The following C3orf70 variants were observed in gnomAD, a reference collection of about 807,000 sequenced individuals.
The protein encoded by C3orf70 is chromosome 3 open reading frame 70.
C3orf70 carries 15 observed loss-of-function variants against 20.7 expected under a neutral mutation model. The ratio of observed to expected loss-of-function variants is 0.72; its 90% CI spans 0.48 to 1.11. The LOEUF (loss-of-function observed/expected upper bound fraction) is 1.11. Ranked by LOEUF, C3orf70 falls within the 50% of genes most tolerant of loss-of-function variation. The pLI is 0.00. For synonymous variants in C3orf70, 161 were observed against 125.7 expected (o/e 1.28, Z -1.88); for missense variants, 332 against 317.6 (o/e 1.05, Z -0.34).
At chr3:185,112,234 G>A (rs1230706434) in intron 1 of C3orf70, among the ~76,000 whole-genome samples, 1 of 152,208 alleles carries the variant, frequency 6.6e-6, no homozygotes, top group East Asian at 1.9e-4. Flanking sequence ...AGGGTGCAGT[G>A]AGCCAAGATC....
At chr3:185,087,005 G>A (rs553548818) in intron 1 of C3orf70, among the ~76,000 whole-genome samples, 24 of 152,216 alleles carry the variant, frequency 1.6e-4, no homozygotes, top group African/African-American at 5.8e-4. Context: ...ATCCTAGGCC[G>A]AGAATCCATG....
At chr3:185,142,282 AC>A (rs1322618596) in intron 1 of C3orf70, among the ~76,000 whole-genome samples, 3 of 151,812 alleles carry the variant, frequency 2.0e-5, no homozygotes, top group Admixed American at 6.6e-5. Flanking sequence ...ACACAGTGAA[AC>A]CCCCCTCTCT....
chr3:185,123,628 T>C (rs937241864), intron 1 of C3orf70, among the ~76,000 whole-genome samples: 1 of 151,908 alleles, frequency 6.6e-6, no homozygotes, highest in Non-Finnish European at 1.5e-5. Flanking sequence ...GGACACACCA[T>C]GGTCCCCATC....
At chr3:185,149,150 T>C (rs1716933059) in intron 1 of C3orf70, among the ~76,000 whole-genome samples, 1 of 152,212 alleles carries the variant, frequency 6.6e-6, no homozygotes. Context: ...CCCAGCAATT[T>C]GGGAAGCCAA....
chr3:185,077,691 C>A lies in C3orf70; in HGVS notation c.*5316G>T, dbSNP rs947414238. 1.3e-5 allele frequency among the ~76,000 whole-genome samples: 2 copies of A among 150,598 alleles called. No individual in the cohort carries two copies. Among genetic ancestry groups the A allele is most frequent in the East Asian group, 4.0e-4 (2 of 5,062 alleles). On this transcript the variant is annotated 3_prime_UTR_variant, in exon 2 of 2. Coordinates refer to ENST00000335012, the MANE Select transcript of C3orf70 (RefSeq NM_001025266.3). ...GCAGCAGCCTCCCTCGATGCCTGAT[C>A]TTCAGTTAGAACTGCAGCCAACACT...
At chr3:185,137,581 A>C (rs1716653511) in intron 1 of C3orf70, among the ~76,000 whole-genome samples, 1 of 152,226 alleles carries the variant, frequency 6.6e-6, no homozygotes, top group Non-Finnish European at 1.5e-5. Flanking sequence ...AAAATCATAC[A>C]AAGTAGAATC....
rs1478900042 is a variant in C3orf70 at position 185,078,266 on chromosome 3, G to A, written c.*4741C>T. On this transcript the variant is annotated 3_prime_UTR_variant, in exon 2 of 2. Coordinates refer to ENST00000335012, the MANE Select transcript of C3orf70 (RefSeq NM_001025266.3). Reference sequence around the variant, plus strand: ...GGTATGAACAGCCTTAAAAAGTGAGGTGGACACAACGATATAGAAGCTCAA... The same window carrying A: ...GGTATGAACAGCCTTAAAAAGTGAGATGGACACAACGATATAGAAGCTCAA... The A allele has an allele frequency of 2.6e-5, 4 of 152,584 alleles. No homozygotes were observed. Among genetic ancestry groups the A allele is most frequent in the African/African-American group, 4.8e-5 (2 of 41,432 alleles). The allele number at this position is 152,584 out of a possible 1,614,324, so 9.5% of individuals were successfully genotyped here. A position where few individuals can be genotyped will look rare whatever the true frequency, so the allele number is the denominator to read the frequency against.
intron 1 of C3orf70, among the ~76,000 whole-genome samples, chr3:185,108,881 C>A (rs796948246): frequency 1.3e-5 from 2 of 152,190 alleles, no homozygotes; most frequent in African/African-American, 2.4e-5. Flanking sequence ...GGGCTACATG[C>A]CAATCAGGAG....
At chr3:185,090,198 T>A (rs1360132171) in intron 1 of C3orf70, among the ~76,000 whole-genome samples, 1 of 152,228 alleles carries the variant, frequency 6.6e-6, no homozygotes, top group Non-Finnish European at 1.5e-5. Flanking sequence ...TTTGCAGCAC[T>A]GTATAATTAC....
At chr3:185,107,877 T>C (rs1715979821) in intron 1 of C3orf70, among the ~76,000 whole-genome samples, 1 of 152,144 alleles carries the variant, frequency 6.6e-6, no homozygotes, top group African/African-American at 2.4e-5. Flanking sequence ...AACTCAGCAT[T>C]CACCTACAGG....
At chr3:185,108,448 T>A (rs1577324561) in intron 1 of C3orf70, among the ~76,000 whole-genome samples, 1 of 152,250 alleles carries the variant, frequency 6.6e-6, no homozygotes. Flanking sequence ...ATACAAGTGA[T>A]GAACAACTGA....
At chr3:185,108,645 G>A (rs1464933878) in intron 1 of C3orf70, among the ~76,000 whole-genome samples, 2 of 152,236 alleles carry the variant, frequency 1.3e-5, no homozygotes, top group Non-Finnish European at 2.9e-5. Context: ...CCATGTTAAT[G>A]CCTCTAGTCT....
At chr3:185,131,314 T>G (rs183529312) in intron 1 of C3orf70, among the ~76,000 whole-genome samples, 124 of 152,358 alleles carry the variant, frequency 8.1e-4, no homozygotes, top group Non-Finnish European at 1.6e-3. Flanking sequence ...ACTCTATGAC[T>G]AGGTGATCAT....
chr3:185,114,786 C>A (rs1402840072), intron 1 of C3orf70, among the ~76,000 whole-genome samples: 1 of 152,128 alleles, frequency 6.6e-6, no homozygotes, highest in Non-Finnish European at 1.5e-5. Context: ...TAAGCTAACA[C>A]CAGAATCAGA....
At chr3:185,141,620 CAG>C (rs761678015) in intron 1 of C3orf70, among the ~76,000 whole-genome samples, 6 of 152,026 alleles carry the variant, frequency 3.9e-5, no homozygotes, top group Non-Finnish European at 8.8e-5. Flanking sequence ...GATGGATCTC[CAG>C]AGAGTTATGC....
chr3:185,150,829 C>CA (rs1219131643), intron 1 of C3orf70, among the ~76,000 whole-genome samples: 1 of 152,116 alleles, frequency 6.6e-6, no homozygotes, highest in Non-Finnish European at 1.5e-5. Context: ...AATACTATTC[C>CA]ATAAAAGGAA....
chr3:185,150,483 T>C (rs1260992193), intron 1 of C3orf70, among the ~76,000 whole-genome samples: 2 of 151,486 alleles, frequency 1.3e-5, no homozygotes, highest in African/African-American at 2.4e-5. Flanking sequence ...AAGGGATCAG[T>C]ACCTGTGTCC....
At chr3:185,092,989 CA>C (rs35779843) in intron 1 of C3orf70, among the ~76,000 whole-genome samples, 100,152 of 129,922 alleles carry the variant, frequency 0.77, 38,096 homozygotes, top group Non-Finnish European at 0.82. Flanking sequence ...GACTCCATCT[CA>C]AAAAAAAAAA....
In C3orf70 at chr3:185,152,897, C is replaced by T. The variant is rs1465152523; in HGVS notation, c.-74G>A. ...CGTCTGGGTGGGCAGGAAGCCGAGC[C>T]GGCTGCGGACGCGGGAGGGCGCGGC... is the stretch of plus-strand genomic sequence containing the variant. On this transcript the variant is annotated 5_prime_UTR_variant, in exon 1 of 2. Transcript: ENST00000335012. 3.0e-6 allele frequency: 4 copies of T among 1,331,634 alleles called. No homozygotes were observed. Among genetic ancestry groups the T allele is most frequent in the Non-Finnish European group, 3.9e-6 (4 of 1,025,048 alleles). The allele number at this position is 1,331,634 out of a possible 1,614,324, so 82.5% of individuals were successfully genotyped here.
Sources: gnomAD v4.1 joint callset for allele counts (sites outside exome capture counted in the v4.1 genomes callset) on GRCh38, gnomAD v4.1.1 for gene constraint, MANE v1.5 for transcripts, NCBI Gene and HGNC (gene_info 2026-07-23, HGNC 2026-07-21) for gene names.